Variants in KCNMB2 observed in about 807,000 individuals in gnomAD.
KCNMB2 encodes calcium-activated potassium channel subunit beta-2.
Under a neutral mutation model 24.5 loss-of-function variants are expected in KCNMB2, and 9 were observed. That is an observed-to-expected ratio of 0.37 (90% CI 0.22 to 0.64). The LOEUF (loss-of-function observed/expected upper bound fraction) is 0.64. KCNMB2 is among the 30% of genes least tolerant of loss of function. The pLI, the probability that KCNMB2 is intolerant of heterozygous loss-of-function variation, is 0.63. For synonymous variants in KCNMB2, 109 were observed against 104.4 expected, an observed-to-expected ratio of 1.04 and a Z score of -0.27; for missense variants, 226 against 284.3, an observed-to-expected ratio of 0.79 and a Z score of 1.47.
intron 1 of KCNMB2, among the ~76,000 whole-genome samples, chr3:178,675,906 T>C (rs1302313624): frequency 6.6e-6 from 1 of 152,190 alleles, no homozygotes; most frequent in Non-Finnish European, 1.5e-5. Flanking sequence ...AAACAACATA[T>C]TCTGTGTTGG....
At chr3:178,612,451 T>C (rs1718514763) in intron 1 of KCNMB2, among the ~76,000 whole-genome samples, 1 of 152,218 alleles carries the variant, frequency 6.6e-6, no homozygotes, top group African/African-American at 2.4e-5. Context: ...TAAAAATTGT[T>C]ATATCTTCTT....
At chr3:178,701,473 GT>G (rs573476691) in intron 1 of KCNMB2, among the ~76,000 whole-genome samples, 1 of 152,036 alleles carries the variant, frequency 6.6e-6, no homozygotes, top group Admixed American at 6.6e-5. Flanking sequence ...CTTTAAAGTA[GT>G]TTTTTTCCAA....
intron 1 of KCNMB2, among the ~76,000 whole-genome samples, chr3:178,643,347 A>G (rs1205428456): frequency 6.6e-6 from 1 of 152,188 alleles, no homozygotes; most frequent in Non-Finnish European, 1.5e-5. Context: ...TGATTGTAGT[A>G]GTGTTTACAT....
chr3:178,699,390 CT>C (rs1161232322), intron 1 of KCNMB2, among the ~76,000 whole-genome samples: 1 of 152,220 alleles, frequency 6.6e-6, no homozygotes, highest in Non-Finnish European at 1.5e-5. Context: ...CAAAACCCAC[CT>C]GTGAAGACAC....
At chr3:178,801,126 G>A (rs752341744) in intron 1 of KCNMB2, among the ~76,000 whole-genome samples, 4 of 151,916 alleles carry the variant, frequency 2.6e-5, no homozygotes, top group Non-Finnish European at 4.4e-5. Context: ...AGCACAACAG[G>A]GTGACTGCAG....
At chr3:178,677,526 C>T (rs1380241918) in intron 1 of KCNMB2, among the ~76,000 whole-genome samples, 1 of 152,210 alleles carries the variant, frequency 6.6e-6, no homozygotes, top group Non-Finnish European at 1.5e-5. Context: ...GCCACCTTCC[C>T]CTGCTGCCCT....
At chr3:178,694,815 T>C (rs1370474456) in intron 1 of KCNMB2, among the ~76,000 whole-genome samples, 1 of 152,186 alleles carries the variant, frequency 6.6e-6, no homozygotes, top group Admixed American at 6.5e-5. Context: ...CACAGGCTAG[T>C]GTTGAGTGTC....
At position 178,658,536 on chromosome 3, in the gene KCNMB2, T is replaced by C. The variant is rs1217504767; in HGVS notation, c.-68+121825T>C. Among the ~76,000 whole-genome samples, 7 of 152,298 alleles carry C rather than the reference T, an allele frequency of 4.6e-5. No homozygotes were observed. In the East Asian group the frequency reaches 1.3e-3, roughly 29 times the overall value. ...TTTTTCTTACCCCTGCACTGATCCC[T>C]CTCTTCCTTTACTTTTTCTTTCCTC... On this transcript the variant is annotated intron_variant, in intron 1 of 4. Transcript: ENST00000452583.
At chr3:178,602,952 G>A (rs1227005328) in intron 1 of KCNMB2, among the ~76,000 whole-genome samples, 1 of 152,120 alleles carries the variant, frequency 6.6e-6, no homozygotes, top group Admixed American at 6.5e-5. Flanking sequence ...AGATTGGACG[G>A]GGTGGGAAGC....
chr3:178,735,442 T>A (rs904476917), intron 1 of KCNMB2, among the ~76,000 whole-genome samples: 8 of 152,250 alleles, frequency 5.3e-5, no homozygotes, highest in African/African-American at 1.7e-4. Context: ...TAATATCCAG[T>A]TCACTCCTTA....
intron 1 of KCNMB2, among the ~76,000 whole-genome samples, chr3:178,702,686 C>T (rs973209117): frequency 2.0e-5 from 3 of 151,636 alleles, no homozygotes; most frequent in African/African-American, 7.3e-5. Flanking sequence ...ATAGCCTTCA[C>T]ATCTACACAA....
At chr3:178,759,199 GAT>G (rs1283326972) in intron 1 of KCNMB2, among the ~76,000 whole-genome samples, 2 of 100,718 alleles carry the variant, frequency 2.0e-5, no homozygotes, top group Non-Finnish European at 2.0e-5. Context: ...CTCCAAGAGG[GAT>G]ATATATATAT....
intron 1 of KCNMB2, among the ~76,000 whole-genome samples, chr3:178,661,847 G>A (rs1377031063): frequency 1.3e-5 from 2 of 152,118 alleles, no homozygotes; most frequent in Non-Finnish European, 2.9e-5. Context: ...TTCATTGAAT[G>A]CCTCTTATAG....
intron 1 of KCNMB2, among the ~76,000 whole-genome samples, chr3:178,585,183 G>A (rs1201709315): frequency 6.6e-6 from 1 of 152,154 alleles, no homozygotes; most frequent in Non-Finnish European, 1.5e-5. Context: ...AGCGACTCTA[G>A]AAACGCTTAT....
intron 1 of KCNMB2, among the ~76,000 whole-genome samples, chr3:178,630,172 C>A (rs577055778): frequency 6.6e-6 from 1 of 152,132 alleles, no homozygotes; most frequent in Non-Finnish European, 1.5e-5. Context: ...TACAGTTGAG[C>A]CATTTCTGTT....
intron 1 of KCNMB2, among the ~76,000 whole-genome samples, chr3:178,680,002 T>C (rs75964422): frequency 3.4e-4 from 52 of 152,162 alleles, no homozygotes; most frequent in African/African-American, 1.3e-3. Flanking sequence ...GCATAGAGTC[T>C]GACCTTGGCA....
At chr3:178,740,726 G>A (rs1305680174) in intron 1 of KCNMB2, among the ~76,000 whole-genome samples, 2 of 152,166 alleles carry the variant, frequency 1.3e-5, no homozygotes, top group African/African-American at 4.8e-5. Flanking sequence ...CTGCTTCGGT[G>A]GGAGAATCTT....
intron 1 of KCNMB2, among the ~76,000 whole-genome samples, chr3:178,554,597 C>A (rs1416475552): frequency 2.0e-5 from 3 of 152,082 alleles, no homozygotes; most frequent in Non-Finnish European, 4.4e-5. Context: ...TAATTCAATT[C>A]TTTTTAACAA....
rs896900212 is a variant in KCNMB2 at position 178,630,590 on chromosome 3, T to C, written c.-68+93879T>C. On this transcript the variant is annotated intron_variant, in intron 1 of 4. Coordinates refer to ENST00000452583, the MANE Select transcript of KCNMB2 (RefSeq NM_181361.3). ...TGAAAATGGTTGTGCCAGTTTCTGG[T>C]TTTTATAAGTATACTGTGGGCACCA... Among the ~76,000 whole-genome samples the C allele has an allele frequency of 1.0e-3, 155 of 152,340 alleles. 1 individual carries two copies. Among genetic ancestry groups the C allele is most frequent in the Admixed American group, 9.8e-4 (15 of 15,302 alleles).
Sources: gnomAD v4.1 joint callset for allele counts (sites outside exome capture counted in the v4.1 genomes callset) on GRCh38, gnomAD v4.1.1 for gene constraint, MANE v1.5 for transcripts, NCBI Gene and HGNC (gene_info 2026-07-23, HGNC 2026-07-21) for gene names.